The following HPSE variants were observed in gnomAD, a reference collection of about 807,000 sequenced individuals.
HPSE encodes the protein endo-glucoronidase.
Under a neutral mutation model 65.1 loss-of-function variants are expected in HPSE, and 48 were observed. That is an observed-to-expected ratio of 0.74 (90% CI 0.58 to 0.94). The LOEUF (loss-of-function observed/expected upper bound fraction) is 0.94. Ranked by LOEUF, HPSE falls within the 40% of genes least tolerant of loss-of-function variation. The probability of loss-of-function intolerance (pLI) is 0.00; values close to 1 mark genes in which losing one functional copy is unlikely to be tolerated. For missense variants in HPSE, 644 were observed against 637.5 expected (o/e 1.01, Z -0.11); for synonymous variants, 243 against 260.0 (o/e 0.93, Z 0.63).
chr4:83,321,032 T>C (rs1736870472), intron 2 of HPSE, among the ~76,000 whole-genome samples: 2 of 152,092 alleles, frequency 1.3e-5, no homozygotes, highest in Non-Finnish European at 2.9e-5. Flanking sequence ...AGACTGTCTC[T>C]ACAAAAAATA....
chr4:83,311,717 G>A (rs1479476794), intron 4 of HPSE, among the ~76,000 whole-genome samples: 1 of 150,050 alleles, frequency 6.7e-6, no homozygotes, highest in Non-Finnish European at 1.5e-5. Context: ...AGGAGTTGGA[G>A]GTTACATTGA....
At chr4:83,325,133 G>GTGTT (rs1737095361) in intron 1 of HPSE, among the ~76,000 whole-genome samples, 1 of 17,878 alleles carries the variant, frequency 5.6e-5, no homozygotes, top group Non-Finnish European at 9.1e-5. Context: ...ACAACTTGGT[G>GTGTT]TGTGTGTGTG....
At chr4:83,334,855 C>T (rs971596445), upstream of HPSE, 2 of 1,437,564 alleles carry the variant, frequency 1.4e-6, no homozygotes, top group Admixed American at 2.8e-5. Context: ...CACTTCCTCC[C>T]GCCGAGCCCC....
rs185407718 is a variant in HPSE, at chr4:83,319,456, A to G, written c.387T>C (p.Tyr129=). The G allele has an allele frequency of 1.2e-5, 20 of 1,613,752 alleles. No homozygotes were observed. The highest frequency in any genetic ancestry group is 1.5e-5 in the Non-Finnish European group (18 of 1,179,794). ...CCTCCACATCAGGAGGGATGGATCC[A>G]TATTTGCAAATATCTGCAAGTGGAA... The part of the protein sequence containing the change: ...QSQVNQDICK[Y]GSIPPDVEEK... The change falls in exon 3 of 12, where the codon TAT becomes TAC. Residue 129 remains tyrosine (Y), a synonymous_variant. Coordinates refer to ENST00000311412, the MANE Select transcript of HPSE (RefSeq NM_001098540.3).
rs1375009084 is a variant in HPSE at position 83,293,595 on chromosome 4, A to G, written c.*1749T>C. ...GTTACTTGCAGCCAAAAGCTTCCCA[A>G]CTGAAACAAGGAAGAAAGGTAGAGA... On this transcript the variant is annotated 3_prime_UTR_variant, in exon 12 of 12. Coordinates refer to ENST00000311412, the MANE Select transcript of HPSE (RefSeq NM_001098540.3). 6.6e-6 allele frequency: 1 copy of G among 152,250 alleles called. No homozygotes were observed. The highest frequency in any genetic ancestry group is 2.4e-5 in the African/African-American group (1 of 41,464). The allele number at this position is 152,250 out of a possible 1,614,324, so 9.4% of individuals were successfully genotyped here.
rs753004925 is a variant in HPSE at position 83,310,884 on chromosome 4, T to A, written c.680A>T (p.Asn227Ile). ...AATATCAGCCTTCTTAAGGAAACTG[T>A]TAGGTTCTGAAAGACAGCAATTCTC... ...NISWELGNEP[N>I]SFLKKADIFI... Residue 227 changes from asparagine (N) to isoleucine (I), a missense_variant, in exon 5 of 12, where the codon AAC (asparagine) becomes ATC (isoleucine). Physicochemically the swap from Asn to Ile is moderately radical, Grantham distance 149 (BLOSUM62 -3). Coordinates refer to ENST00000311412, the MANE Select transcript of HPSE (RefSeq NM_001098540.3). 1 of 1,611,720 alleles carries A rather than the reference T, an allele frequency of 6.2e-7. No individual in the cohort carries two copies. The highest frequency in any genetic ancestry group is 1.7e-5 in the Admixed American group (1 of 59,692).
intron 10 of HPSE, among the ~76,000 whole-genome samples, chr4:83,301,379 C>T (rs1197720925): frequency 3.3e-5 from 5 of 152,290 alleles, no homozygotes; most frequent in Admixed American, 6.5e-5. Context: ...ATCCTCACAG[C>T]TCTGCCAGCT....
At chr4:83,302,923 C>T (rs547944281) in intron 9 of HPSE, among the ~76,000 whole-genome samples, 107 of 152,060 alleles carry the variant, frequency 7.0e-4, no homozygotes, top group African/African-American at 2.5e-3. Flanking sequence ...TGCAGTGAGC[C>T]GTGATTGTGC....
chr4:83,308,702 C>T, intron 8 of HPSE, 143 bp downstream of exon 8: 1 of 638,210 alleles, frequency 1.6e-6, no homozygotes, highest in Non-Finnish European at 2.8e-6. Context: ...AAATCATTTT[C>T]TTGCAAAATC....
chr4:83,319,316 C>A, intron 3 of HPSE, 28 bp downstream of exon 3: 1 of 1,611,184 alleles, frequency 6.2e-7, no homozygotes, highest in Non-Finnish European at 8.5e-7. Context: ...GGGGCTGGAA[C>A]ATCTCTAGGG....
In HPSE at chr4:83,319,040, A is replaced by G. The variant is rs183710716; in HGVS notation, c.499+304T>C. Among the ~76,000 whole-genome samples the G allele has an allele frequency of 1.8e-4, 27 of 152,266 alleles. No individual in the cohort carries two copies. The East Asian group carries it at 5.0e-3, about 28-fold the overall frequency. On this transcript the variant is annotated intron_variant, in intron 3 of 11. Coordinates refer to ENST00000311412, the MANE Select transcript of HPSE (RefSeq NM_001098540.3). ...TTATATGTCTGTATTTTAATTTTAC[A>G]TGAGGAATATATTCATGTTTTCCTT...
intron 8 of HPSE, among the ~76,000 whole-genome samples, chr4:83,307,225 CT>C: frequency 6.6e-6 from 1 of 152,350 alleles, no homozygotes; most frequent in South Asian, 2.1e-4. Flanking sequence ...TGCAATTCCC[CT>C]GTCTTGATAA....
chr4:83,320,375 G>A (rs1453052756), intron 2 of HPSE, among the ~76,000 whole-genome samples: 1 of 152,108 alleles, frequency 6.6e-6, no homozygotes, highest in Non-Finnish European at 1.5e-5. Flanking sequence ...GACTAGCCTG[G>A]ACAACATAGT....
At chr4:83,315,083 G>A (rs1424722279) in intron 3 of HPSE, among the ~76,000 whole-genome samples, 1 of 151,842 alleles carries the variant, frequency 6.6e-6, no homozygotes, top group Non-Finnish European at 1.5e-5. Flanking sequence ...AACCCGGGAG[G>A]TGGAGGTTGC....
At chr4:83,328,525 T>C (rs1042444861) in intron 1 of HPSE, among the ~76,000 whole-genome samples, 5 of 152,188 alleles carry the variant, frequency 3.3e-5, no homozygotes, top group African/African-American at 1.2e-4. Flanking sequence ...AATATGGATT[T>C]CGGGGTAACC....
chr4:83,320,394 G>A (rs1736840200), intron 2 of HPSE, among the ~76,000 whole-genome samples: 1 of 151,986 alleles, frequency 6.6e-6, no homozygotes, highest in Non-Finnish European at 1.5e-5. Flanking sequence ...GTAAAACCCT[G>A]CCTCTACTAA....
chr4:83,297,109 A>G (rs1735760952), intron 11 of HPSE, among the ~76,000 whole-genome samples: 1 of 152,212 alleles, frequency 6.6e-6, no homozygotes, highest in Admixed American at 6.5e-5. Flanking sequence ...TACTTAACAC[A>G]ATGATAGCTT....
chr4:83,326,121 G>C lies in HPSE; in HGVS notation c.228-3757C>G, dbSNP rs1168353720. On this transcript the variant is annotated intron_variant, in intron 1 of 11. Coordinates refer to ENST00000311412, the MANE Select transcript of HPSE (RefSeq NM_001098540.3). The surrounding 1 kb of genome is among the most constrained non-coding windows in gnomAD (Gnocchi z 4.2). ...AGAACAAGACTCTGGTCATGTTAAC[G>C]TAGACAAAACGTGATGGACTGAGGT... 2.0e-5 allele frequency among the ~76,000 whole-genome samples: 3 copies of C among 152,188 alleles called. No homozygotes were observed. The highest frequency in any genetic ancestry group is 7.2e-5 in the African/African-American group (3 of 41,442).
intron 4 of HPSE, among the ~76,000 whole-genome samples, chr4:83,312,177 G>C (rs1736406618): frequency 6.6e-6 from 1 of 152,164 alleles, no homozygotes; most frequent in Non-Finnish European, 1.5e-5. Context: ...ATAGGGTTAA[G>C]TGATTCTGAA....
Sources: gnomAD v4.1 joint callset for allele counts (sites outside exome capture counted in the v4.1 genomes callset) on GRCh38, gnomAD v4.1.1 for gene constraint, Gnocchi (gnomAD v3.1) non-coding constraint, MANE v1.5 for transcripts, NCBI Gene and HGNC (gene_info 2026-07-23, HGNC 2026-07-21) for gene names.